Variants in AGMO observed in about 807,000 individuals in gnomAD.
AGMO encodes the protein glyceryl-ether monooxygenase.
A neutral mutation model predicts 60.2 loss-of-function variants in AGMO; 75 were observed. The ratio of observed to expected loss-of-function variants is 1.25; its 90% confidence interval spans 1.03 to 1.51. The LOEUF (loss-of-function observed/expected upper bound fraction) is 1.51, where lower values mean the gene tolerates loss of function less well. Ranked by LOEUF, AGMO falls within the 40% of genes most tolerant of loss-of-function variation. The pLI is 0.00. For synonymous variants in AGMO, 261 were observed against 177.1 expected (o/e 1.47, Z -3.76); for missense variants, 763 against 525.5 (o/e 1.45, Z -4.42).
chr7:15,499,707 C>T (rs1439437113), intron 3 of AGMO, among the ~76,000 whole-genome samples: 1 of 151,698 alleles, frequency 6.6e-6, no homozygotes, highest in Non-Finnish European at 1.5e-5. Context: ...CTATTTATTA[C>T]TTCCAAAGAC....
In AGMO at chr7:15,507,013, C is replaced by A. The variant is rs190930992; in HGVS notation, c.409+37759G>T. On this transcript the variant is annotated intron_variant, in intron 3 of 12. Transcript: ENST00000342526. ...TTAAAAAGAAAAGGAAATAAAATTT[C>A]CATCATTCTATTGACAATGGTGCTT... Among the ~76,000 whole-genome samples, 43 of 151,972 alleles carry A rather than the reference C, an allele frequency of 2.8e-4. No individual in the cohort carries two copies. In the East Asian group the frequency reaches 7.9e-3, roughly 28 times the overall value.
intron 12 of AGMO, chr7:15,358,524 C>A: frequency 2.3e-6 from 1 of 443,808 alleles, no homozygotes. Flanking sequence ...GGGTAAGAAT[C>A]CCTCCAGGGA....
chr7:15,504,996 T>C (rs1481922667), intron 3 of AGMO, among the ~76,000 whole-genome samples: 1 of 152,006 alleles, frequency 6.6e-6, no homozygotes, highest in Middle Eastern at 3.2e-3. Context: ...TTTTTTTCTT[T>C]AGAATTCTTG....
intron 12 of AGMO, among the ~76,000 whole-genome samples, chr7:15,299,230 AATAAT>A (rs1294490316): frequency 2.6e-5 from 4 of 151,982 alleles, no homozygotes; most frequent in Admixed American, 1.3e-4. Flanking sequence ...TAATAAATAT[AATAAT>A]ATAATAACAA....
intron 2 of AGMO, among the ~76,000 whole-genome samples, chr7:15,547,770 G>C (rs956533917): frequency 6.6e-6 from 1 of 152,020 alleles, no homozygotes; most frequent in African/African-American, 2.4e-5. Context: ...GGCTTGATTA[G>C]GTAAACAAAG....
At chr7:15,206,841 C>A (rs1044830323) in intron 12 of AGMO, among the ~76,000 whole-genome samples, 12 of 152,038 alleles carry the variant, frequency 7.9e-5, no homozygotes, top group African/African-American at 2.4e-4. Flanking sequence ...ACTGCTCCAG[C>A]TGAACTCCGA....
intron 3 of AGMO, among the ~76,000 whole-genome samples, chr7:15,512,281 G>A (rs1242149081): frequency 6.6e-6 from 1 of 151,986 alleles, no homozygotes; most frequent in Non-Finnish European, 1.5e-5. Context: ...ATTTAGACAT[G>A]ATCTCACTCT....
intron 12 of AGMO, among the ~76,000 whole-genome samples, chr7:15,218,923 G>T (rs965933632): frequency 6.6e-6 from 1 of 152,102 alleles, no homozygotes; most frequent in Admixed American, 6.6e-5. Context: ...ACTGAATAAG[G>T]TGAATCTTAT....
chr7:15,125,824 A>G, the AGMO span, among the ~76,000 whole-genome samples: 1 of 152,136 alleles, frequency 6.6e-6, no homozygotes, highest in Non-Finnish European at 1.5e-5. Context: ...TCTGTCATCT[A>G]TATGAGTTTA....
chr7:15,401,204 G>C (rs1313981143), intron 5 of AGMO, among the ~76,000 whole-genome samples: 2 of 152,066 alleles, frequency 1.3e-5, no homozygotes, highest in African/African-American at 4.8e-5. Flanking sequence ...ATACTTTAGA[G>C]TTGAATTCTA....
Position 15,256,382 on chromosome 7 carries a change from GC to G in AGMO, c.1264-55024del, listed in dbSNP as rs1305158651. On this transcript the variant is annotated intron_variant, in intron 12 of 12. Coordinates refer to ENST00000342526, the MANE Select transcript of AGMO (RefSeq NM_001004320.2). ...TTTTGAGACGGAGTCTCGCTCTGTC[GC>G]CCAGGCTGGAGTACGGTGGCGCAAT... Among the ~76,000 whole-genome samples, 7 of 151,896 alleles carry G rather than the reference GC, an allele frequency of 4.6e-5. 1 individual carries two copies. Among genetic ancestry groups the G allele is most frequent in the Non-Finnish European group, 5.9e-5 (4 of 67,920 alleles).
chr7:15,219,573 A>C (rs1288924475), intron 12 of AGMO, among the ~76,000 whole-genome samples: 1 of 152,166 alleles, frequency 6.6e-6, no homozygotes. Flanking sequence ...AAGAAGGATA[A>C]GGCTTGTGTA....
At chr7:15,505,480 C>T (rs149223722) in intron 3 of AGMO, among the ~76,000 whole-genome samples, 1 of 152,108 alleles carries the variant, frequency 6.6e-6, no homozygotes, top group East Asian at 1.9e-4. Context: ...CTCAACCAAG[C>T]AGGGAGATGT....
In AGMO at chr7:15,329,286, C is replaced by G. The variant is rs117106796; in HGVS notation, c.1263+36228G>C. Among the ~76,000 whole-genome samples the G allele has an allele frequency of 8.3e-4, 127 of 152,244 alleles. 1 individual carries two copies. In the South Asian group the frequency reaches 0.015, roughly 18 times the overall value. ...CAATTCTTGACACATAGTTGCTTCCCTTTTTCTTTCAGTGAATTAAGCCAT... is the reference window on the plus strand; with the variant it reads ...CAATTCTTGACACATAGTTGCTTCCGTTTTTCTTTCAGTGAATTAAGCCAT... On this transcript the variant is annotated intron_variant, in intron 12 of 12. Coordinates refer to ENST00000342526, the MANE Select transcript of AGMO (RefSeq NM_001004320.2).
intron 3 of AGMO, among the ~76,000 whole-genome samples, chr7:15,442,136 A>G (rs1414329159): frequency 1.3e-5 from 2 of 152,166 alleles, no homozygotes; most frequent in African/African-American, 4.8e-5. Context: ...CCTCATCAAA[A>G]CAGATTGGTC....
chr7:15,270,327 T>G (rs1783558508), intron 12 of AGMO, among the ~76,000 whole-genome samples: 1 of 152,058 alleles, frequency 6.6e-6, no homozygotes, highest in Non-Finnish European at 1.5e-5. Context: ...CTGAATGGTA[T>G]GAGATGATAT....
chr7:15,147,998 C>T, the AGMO span, among the ~76,000 whole-genome samples: 54 of 152,150 alleles, frequency 3.5e-4, 1 homozygote, highest in South Asian at 8.5e-3. Context: ...TTAAGAGGAG[C>T]GGCTCAAACT....
chr7:15,525,391 A>G (rs1396937943), intron 3 of AGMO, among the ~76,000 whole-genome samples: 1 of 151,950 alleles, frequency 6.6e-6, no homozygotes, highest in Non-Finnish European at 1.5e-5. Context: ...ACTATTTTAC[A>G]TATACCTACC....
chr7:15,209,687 C>T (rs556600521), intron 12 of AGMO, among the ~76,000 whole-genome samples: 6 of 152,190 alleles, frequency 3.9e-5, no homozygotes, highest in African/African-American at 1.2e-4. Flanking sequence ...AACTGCAGGA[C>T]CAGCCATGCC....
Sources: gnomAD v4.1 joint callset for allele counts (sites outside exome capture counted in the v4.1 genomes callset) on GRCh38, gnomAD v4.1.1 for gene constraint, MANE v1.5 for transcripts, NCBI Gene and HGNC (gene_info 2026-07-23, HGNC 2026-07-21) for gene names.